Variants in C2CD3 observed in about 807,000 individuals in gnomAD.
C2CD3 encodes the protein C2 domain-containing protein 3.
C2CD3 carries 148 observed loss-of-function variants against 234.0 expected under a neutral mutation model. The observed-to-expected ratio is 0.63, with a 90% CI of 0.55 to 0.72. The LOEUF (loss-of-function observed/expected upper bound fraction) is 0.72. C2CD3 is among the 30% of genes least tolerant of loss of function. The probability of loss-of-function intolerance (pLI) is 0.00; values close to 1 mark genes in which losing one functional copy is unlikely to be tolerated. For synonymous variants in C2CD3, 1,000 were observed against 1,035.4 expected (o/e 0.97, Z 0.66); for missense variants, 2,577 against 2,811.5 (o/e 0.92, Z 1.89).
rs562495003 is a variant in C2CD3 at position 74,089,933 on chromosome 11, A to C, written c.3641+880T>G. On this transcript the variant is annotated intron_variant, in intron 20 of 32. Transcript: ENST00000334126. The stretch of plus-strand genomic sequence containing the variant: ...AGGAGTTTGTTAAGTAGACAAAAGG[A>C]AGAAGAATATTCAAGGCAGAGAGAA... 4.6e-5 allele frequency among the ~76,000 whole-genome samples: 7 copies of C among 152,348 alleles called. No individual in the cohort carries two copies. The South Asian group carries it at 1.5e-3, about 32-fold the overall frequency.
intron 24 of C2CD3, among the ~76,000 whole-genome samples, chr11:74,059,410 C>CA (rs57052333): frequency 0.051 from 1,498 of 29,548 alleles, 81 homozygotes; most frequent in Non-Finnish European, 0.06. Context: ...GACTCTGTCT[C>CA]AAAAAAAAAA....
At chr11:74,079,121 G>A (rs1298802354) in intron 22 of C2CD3, among the ~76,000 whole-genome samples, 1 of 152,130 alleles carries the variant, frequency 6.6e-6, no homozygotes. Flanking sequence ...AAATGTTTAT[G>A]GTACTATGAG....
At chr11:74,111,337 T>C (rs969300508) in intron 11 of C2CD3, among the ~76,000 whole-genome samples, 1 of 152,150 alleles carries the variant, frequency 6.6e-6, no homozygotes, top group South Asian at 2.1e-4. Flanking sequence ...ACTTTCTGAA[T>C]GCCAATATGA....
intron 9 of C2CD3, among the ~76,000 whole-genome samples, chr11:74,117,245 A>G (rs1170528141): frequency 1.7e-5 from 2 of 120,924 alleles, no homozygotes; most frequent in African/African-American, 6.4e-5. Context: ...TATATGAGTG[A>G]GCTGTGATTG....
At chr11:74,067,288 C>A (rs550479497) in intron 24 of C2CD3, among the ~76,000 whole-genome samples, 2 of 151,524 alleles carry the variant, frequency 1.3e-5, no homozygotes, top group African/African-American at 2.4e-5. Flanking sequence ...GATCTAGTGG[C>A]GTCCACAAAG....
chr11:74,043,233 T>A (rs1233763905), intron 28 of C2CD3, among the ~76,000 whole-genome samples: 2 of 152,246 alleles, frequency 1.3e-5, no homozygotes, highest in Admixed American at 6.5e-5. Context: ...ATAAATGGAA[T>A]CATATAATAT....
chr11:74,076,328 A>G (rs1272158228), intron 23 of C2CD3, among the ~76,000 whole-genome samples: 3 of 152,330 alleles, frequency 2.0e-5, no homozygotes, highest in Non-Finnish European at 2.9e-5. Context: ...GGGTCAGAGC[A>G]CAGGGCTGAT....
intron 2 of C2CD3, among the ~76,000 whole-genome samples, chr11:74,163,727 C>T (rs1426379466): frequency 6.6e-6 from 1 of 152,156 alleles, no homozygotes; most frequent in African/African-American, 2.4e-5. Context: ...TTATAAATTA[C>T]CCAGTTTCAG....
chr11:74,127,051 A>G (rs1957437062), intron 7 of C2CD3, among the ~76,000 whole-genome samples: 1 of 152,236 alleles, frequency 6.6e-6, no homozygotes, highest in South Asian at 2.1e-4. Flanking sequence ...TCTACAACCC[A>G]GGCTGGAGTA....
chr11:74,061,873 G>A (rs1260718676), intron 24 of C2CD3, among the ~76,000 whole-genome samples: 2 of 152,072 alleles, frequency 1.3e-5, no homozygotes, highest in Non-Finnish European at 2.9e-5. Context: ...GTATTCAGGA[G>A]ACCCATCTCA....
At chr11:74,126,989 G>GTA (rs1367435003) in intron 7 of C2CD3, among the ~76,000 whole-genome samples, 1 of 152,120 alleles carries the variant, frequency 6.6e-6, no homozygotes, top group East Asian at 1.9e-4. Flanking sequence ...TGAAATAAAA[G>GTA]TATATATATT....
At chr11:74,138,270 C>T (rs887184790) in intron 5 of C2CD3, among the ~76,000 whole-genome samples, 1 of 152,076 alleles carries the variant, frequency 6.6e-6, no homozygotes, top group Non-Finnish European at 1.5e-5. Context: ...TTATTTAATT[C>T]CCAGGATTAA....
In C2CD3 at chr11:74,106,395, A is replaced by G. The variant is rs754137959; in HGVS notation, c.2061T>C (p.Gly687=). ...CCTTGAGGGGGCCAAATGGAGACTG[A>G]CCATTTTCTTGTTGCACTGGAAGCT... The part of the protein sequence containing the change: ...SDQLPVQQEN[G]QSPFGPLKVT... The change falls in exon 13 of 33, where the codon GGT becomes GGC. Residue 687 remains glycine, a synonymous_variant. Coordinates refer to ENST00000334126, the MANE Select transcript of C2CD3 (RefSeq NM_001286577.2). 3.7e-6 allele frequency: 6 copies of G among 1,614,086 alleles called. No individual in the cohort carries two copies. Among genetic ancestry groups the G allele is most frequent in the Middle Eastern group, 1.6e-4 (1 of 6,062 alleles).
chr11:74,050,092 A>G (rs191458742), intron 26 of C2CD3, among the ~76,000 whole-genome samples: 1 of 152,288 alleles, frequency 6.6e-6, no homozygotes, highest in African/African-American at 2.4e-5. Flanking sequence ...TCCTCTTGAT[A>G]TAGGCAATTA....
At chr11:74,135,201 G>A (rs887554598) in intron 5 of C2CD3, among the ~76,000 whole-genome samples, 7 of 151,738 alleles carry the variant, frequency 4.6e-5, no homozygotes, top group African/African-American at 1.7e-4. Context: ...CTCATACTTC[G>A]TCCTAGTGAT....
At chr11:74,097,697 T>A (rs1200473296) in intron 16 of C2CD3, among the ~76,000 whole-genome samples, 1 of 152,236 alleles carries the variant, frequency 6.6e-6, no homozygotes, top group Non-Finnish European at 1.5e-5. Context: ...TTTGCTGGCT[T>A]ACATTTGGGA....
chr11:74,078,023 A>G, intron 23 of C2CD3, 92 bp downstream of exon 23: 5 of 1,435,986 alleles, frequency 3.5e-6, no homozygotes. Flanking sequence ...TGGGAGGGTC[A>G]AGTAAAGTAA....
intron 3 of C2CD3, among the ~76,000 whole-genome samples, chr11:74,146,097 A>C (rs1313308181): frequency 6.6e-6 from 1 of 152,228 alleles, no homozygotes; most frequent in African/African-American, 2.4e-5. Flanking sequence ...AAACTGAATA[A>C]ACAGAAAGTA....
chr11:74,092,718 T>C, intron 18 of C2CD3, 130 bp from the exon 19 acceptor site: 1 of 690,680 alleles, frequency 1.4e-6, no homozygotes, highest in South Asian at 2.1e-5. Context: ...TACGCAGCTA[T>C]GGTGTCTGGC....
Sources: gnomAD v4.1 joint callset for allele counts (sites outside exome capture counted in the v4.1 genomes callset) on GRCh38, gnomAD v4.1.1 for gene constraint, MANE v1.5 for transcripts, NCBI Gene and HGNC (gene_info 2026-07-23, HGNC 2026-07-21) for gene names.